TMEM65: variants seen among roughly 807,000 people sequenced by gnomAD.
The protein encoded by TMEM65 is transmembrane protein 65.
A neutral mutation model predicts 25.4 loss-of-function variants in TMEM65; 22 were observed. The observed-to-expected ratio is 0.86, with a 90% CI of 0.62 to 1.23. The LOEUF (loss-of-function observed/expected upper bound fraction) is 1.23. Among genes scored for constraint, TMEM65 ranks in the 50% most tolerant of loss-of-function variants. TMEM65 has a pLI of 0.00. For synonymous variants in TMEM65, 132 were observed against 126.2 expected, an observed-to-expected ratio of 1.05 and a Z score of -0.31; for missense variants, 262 against 308.2, an observed-to-expected ratio of 0.85 and a Z score of 1.12.
At chr8:124,371,718 G>A in intron 1 of TMEM65, 136 bp downstream of exon 1, 2 of 871,932 alleles carry the variant, frequency 2.3e-6, no homozygotes, top group South Asian at 4.1e-5. Flanking sequence ...CAGGCGTGGG[G>A]CCAGACAGGC....
intron 1 of TMEM65, among the ~76,000 whole-genome samples, chr8:124,331,423 T>C (rs907645869): frequency 6.7e-6 from 1 of 148,630 alleles, no homozygotes; most frequent in Non-Finnish European, 1.5e-5. Context: ...TGATATATAA[T>C]ATAACTGAAT....
At chr8:124,369,412 G>T (rs1469690752) in intron 1 of TMEM65, among the ~76,000 whole-genome samples, 1 of 152,110 alleles carries the variant, frequency 6.6e-6, no homozygotes, top group Non-Finnish European at 1.5e-5. Flanking sequence ...ATCAAAGCAT[G>T]GATGATATTT....
chr8:124,317,552 A>G (rs934857306), intron 6 of TMEM65, among the ~76,000 whole-genome samples: 3 of 152,202 alleles, frequency 2.0e-5, no homozygotes, highest in African/African-American at 7.2e-5. Context: ...CAACAGAATT[A>G]AAACACAAAT....
At chr8:124,371,519 G>A (rs903366514) in intron 1 of TMEM65, among the ~76,000 whole-genome samples, 4 of 152,276 alleles carry the variant, frequency 2.6e-5, no homozygotes, top group Admixed American at 2.0e-4. Context: ...GGGCTGGGGA[G>A]GGGAGGCACG....
Position 124,371,933 on chromosome 8 carries a change from G to T in TMEM65, c.225C>A (p.Phe75Leu). Residue 75 changes from phenylalanine (F) to leucine (L), a missense_variant, in exon 1 of 7, where the codon TTC (phenylalanine) becomes TTA (leucine). Phe to Leu is a conservative substitution (Grantham distance 22). Transcript: ENST00000297632. ...TCTCCGTGGAGTGCAGGCTGTAGAT[G>T]AAGTCGCGCGCGCCCTGCGCCGTGT... ...ALNTAQGARD[F>L]IYSLHSTERS... 1 of 1,527,456 alleles carries T rather than the reference G, an allele frequency of 6.5e-7. No homozygotes were observed. Among genetic ancestry groups the T allele is most frequent in the South Asian group, 1.2e-5 (1 of 82,484 alleles). The allele number at this position is 1,527,456 out of a possible 1,614,324, so 94.6% of individuals were successfully genotyped here. A position where few individuals can be genotyped will look rare whatever the true frequency, so the allele number is the denominator to read the frequency against.
Position 124,313,785 on chromosome 8 carries a change from A to T in TMEM65, c.*175T>A, listed in dbSNP as rs1814196591. The T allele has an allele frequency of 1.4e-5, 8 of 551,966 alleles. No homozygotes were observed. In the South Asian group the frequency reaches 1.9e-4, roughly 13 times the overall value. The allele number at this position is 551,966 out of a possible 1,614,324, so 34.2% of individuals were successfully genotyped here. ...ACAAAATGATACTAAACAGCTTTTTAAAAAAGATGTCCTAAGAAGATCAAG... is the reference window on the plus strand; with the variant it reads ...ACAAAATGATACTAAACAGCTTTTTTAAAAAGATGTCCTAAGAAGATCAAG... On this transcript the variant is annotated 3_prime_UTR_variant, in exon 7 of 7. Coordinates refer to ENST00000297632, the MANE Select transcript of TMEM65 (RefSeq NM_194291.3).
chr8:124,372,654 C>G lies in TMEM65; in HGVS notation c.-497G>C, dbSNP rs1241408134. 1.4e-5 allele frequency: 2 copies of G among 145,044 alleles called. No homozygotes were observed. Among genetic ancestry groups the G allele is most frequent in the Non-Finnish European group, 2.8e-5 (2 of 70,736 alleles). 9.0% of individuals were successfully genotyped at this position (145,044 alleles called of 1,614,324 possible). On this transcript the variant is annotated 5_prime_UTR_variant, in exon 1 of 7. Transcript: ENST00000297632. ...CGAGCCCTCAAAGCAGCCGCGCTCCCGAGCCGCAGCCGCCGCCGCCGCCGC... is the reference window on the plus strand; with the variant it reads ...CGAGCCCTCAAAGCAGCCGCGCTCCGGAGCCGCAGCCGCCGCCGCCGCCGC...
At chr8:124,361,388 C>A (rs1469140385) in intron 1 of TMEM65, among the ~76,000 whole-genome samples, 1 of 144,906 alleles carries the variant, frequency 6.9e-6, no homozygotes, top group Non-Finnish European at 1.5e-5. Context: ...TGAGCCGAGA[C>A]TGCGCCATTG....
chr8:124,308,913 G>A lies in TMEM65; in HGVS notation c.*5047C>T, dbSNP rs1321670106. 6.6e-6 allele frequency: 1 copy of A among 152,154 alleles called. No individual in the cohort carries two copies. Among genetic ancestry groups the A allele is most frequent in the Non-Finnish European group, 1.5e-5 (1 of 68,038 alleles). The allele number at this position is 152,154 out of a possible 1,614,324, so 9.4% of individuals were successfully genotyped here. On this transcript the variant is annotated 3_prime_UTR_variant, in exon 7 of 7. Transcript: ENST00000297632. Reference sequence around the variant, plus strand: ...ATGAAAAAAAGCAAAACATCAGACAGAAGTTACAATGCATTTTCATAATTA... The same window carrying A: ...ATGAAAAAAAGCAAAACATCAGACAAAAGTTACAATGCATTTTCATAATTA...
At chr8:124,327,237 AT>A (rs1814375338) in intron 3 of TMEM65, 116 bp downstream of exon 3, 5 of 689,362 alleles carry the variant, frequency 7.3e-6, no homozygotes, top group Non-Finnish European at 9.8e-6. Flanking sequence ...ATAGTAAAAA[AT>A]ATCCTTGTTC....
intron 6 of TMEM65, among the ~76,000 whole-genome samples, chr8:124,317,411 G>A (rs6990925): frequency 6.6e-5 from 10 of 151,986 alleles, no homozygotes; most frequent in Non-Finnish European, 1.3e-4. Flanking sequence ...AAGAGGAATT[G>A]GTTATCATTC....
intron 2 of TMEM65, among the ~76,000 whole-genome samples, chr8:124,327,724 A>G (rs1183982778): frequency 6.6e-6 from 1 of 151,878 alleles, no homozygotes; most frequent in Admixed American, 6.6e-5. Context: ...ACATACAATT[A>G]ACAGAACAAA....
chr8:124,314,018 A>C lies in TMEM65; in HGVS notation c.665T>G (p.Phe222Cys). 1 of 1,613,698 alleles carries C rather than the reference A, an allele frequency of 6.2e-7. No homozygotes were observed. Among genetic ancestry groups the C allele is most frequent in the Non-Finnish European group, 8.5e-7 (1 of 1,179,798 alleles). Reference sequence around the variant, plus strand: ...ACCTCCTCCAAAGAAAATTAAAGGAAACATTCCTAGAATGCAGCCAATAGT... The same window carrying C: ...ACCTCCTCCAAAGAAAATTAAAGGACACATTCCTAGAATGCAGCCAATAGT... The part of the protein sequence containing the change: ...GVTIGCILGM[F>C]PLIFFGGGEE... The change falls in exon 7 of 7, where the codon TTT (phenylalanine) becomes TGT (cysteine). Residue 222 changes from phenylalanine (F) to cysteine (C), a missense_variant. Phe to Cys is a radical substitution (Grantham distance 205, BLOSUM62 -2). Coordinates refer to ENST00000297632, the MANE Select transcript of TMEM65 (RefSeq NM_194291.3).
At chr8:124,330,456 C>T (rs67086747) in intron 2 of TMEM65, among the ~76,000 whole-genome samples, 13,714 of 151,924 alleles carry the variant, frequency 0.09, 675 homozygotes, top group East Asian at 0.15. Context: ...AAAGTAAATA[C>T]ATCCTTTTTC....
chr8:124,354,151 CA>C (rs569686762), intron 1 of TMEM65, among the ~76,000 whole-genome samples: 3 of 151,988 alleles, frequency 2.0e-5, no homozygotes, highest in Admixed American at 6.6e-5. Context: ...AGACATGCTA[CA>C]AAAAAACTGG....
rs1382902525 is a variant in TMEM65, at chr8:124,313,192, A to G, written c.*768T>C. ...CCATTTCAAAGACTCTAAAATAATC[A>G]TTTGCTTCCCCTCAAAAGTCAGAAT... is the stretch of plus-strand genomic sequence containing the variant. On this transcript the variant is annotated 3_prime_UTR_variant, in exon 7 of 7. Transcript: ENST00000297632. 6.6e-6 allele frequency: 1 copy of G among 151,810 alleles called. No homozygotes were observed. The highest frequency in any genetic ancestry group is 2.4e-5 in the African/African-American group (1 of 41,378). The allele number at this position is 151,810 out of a possible 1,614,324, so 9.4% of individuals were successfully genotyped here. A position where few individuals can be genotyped will look rare whatever the true frequency, so the allele number is the denominator to read the frequency against.
chr8:124,330,313 G>A (rs1464106972), intron 2 of TMEM65, among the ~76,000 whole-genome samples: 1 of 151,814 alleles, frequency 6.6e-6, no homozygotes, highest in Non-Finnish European at 1.5e-5. Flanking sequence ...TCTTCACGTA[G>A]TTTTAAATAA....
intron 6 of TMEM65, among the ~76,000 whole-genome samples, chr8:124,315,876 CTT>C (rs1355247169): frequency 6.6e-6 from 1 of 152,118 alleles, no homozygotes; most frequent in Admixed American, 6.5e-5. Context: ...ATCCTAGCTT[CTT>C]GTTTTTTGAC....
At chr8:124,368,590 G>A (rs959853811) in intron 1 of TMEM65, among the ~76,000 whole-genome samples, 1 of 152,052 alleles carries the variant, frequency 6.6e-6, no homozygotes, top group East Asian at 1.9e-4. Context: ...TTGCTCTCTC[G>A]CTCTCTCATC....
Sources: gnomAD v4.1 joint callset for allele counts (sites outside exome capture counted in the v4.1 genomes callset) on GRCh38, gnomAD v4.1.1 for gene constraint, MANE v1.5 for transcripts, NCBI Gene and HGNC (gene_info 2026-07-23, HGNC 2026-07-21) for gene names.